The following MICAL2 variants were observed in gnomAD, a reference collection of about 807,000 sequenced individuals.
MICAL2 encodes [F-actin]-monooxygenase MICAL2.
In MICAL2, 77 loss-of-function variants were observed where a neutral mutation model predicts 127.3. The ratio of observed to expected loss-of-function variants is 0.60; its 90% confidence interval spans 0.50 to 0.73. MICAL2 has a LOEUF of 0.73. Ranked by LOEUF, MICAL2 falls within the 30% of genes least tolerant of loss-of-function variation. MICAL2 has a pLI of 0.00. For synonymous variants in MICAL2, 570 were observed against 551.1 expected, an observed-to-expected ratio of 1.03 and a Z score of -0.48; for missense variants, 1,351 against 1,434.4, an observed-to-expected ratio of 0.94 and a Z score of 0.94.
At chr11:12,330,626 G>A (rs149617085) in intron 32 of MICAL2, among the ~76,000 whole-genome samples, 2,366 of 152,184 alleles carry the variant, frequency 0.016, 36 homozygotes, top group Non-Finnish European at 0.025. Context: ...CCTCATTGTC[G>A]TGACAACAAT....
chr11:12,216,912 G>A (rs548783278), intron 8 of MICAL2, among the ~76,000 whole-genome samples: 2 of 152,288 alleles, frequency 1.3e-5, no homozygotes, highest in East Asian at 3.9e-4. Flanking sequence ...TATATATAGA[G>A]CACCTGGCAC....
chr11:12,313,167 CAAA>C (rs61207104), intron 29 of MICAL2, among the ~76,000 whole-genome samples: 1 of 69,284 alleles, frequency 1.4e-5, no homozygotes. Flanking sequence ...GACTACATCT[CAAA>C]AAAAAAAAAA....
chr11:12,350,275 G>T (rs1181346389), intron 33 of MICAL2, among the ~76,000 whole-genome samples: 1 of 152,176 alleles, frequency 6.6e-6, no homozygotes, highest in African/African-American at 2.4e-5. Context: ...GGAAGGCTGT[G>T]TCTGGCCTCT....
At chr11:12,332,626 T>C (rs1345348880) in intron 32 of MICAL2, among the ~76,000 whole-genome samples, 2 of 151,850 alleles carry the variant, frequency 1.3e-5, no homozygotes, top group African/African-American at 4.8e-5. Flanking sequence ...ATCAGCTCGG[T>C]AGCCCAAGTT....
chr11:12,146,629 T>C (rs987496849), intron 2 of MICAL2, among the ~76,000 whole-genome samples: 1 of 152,146 alleles, frequency 6.6e-6, no homozygotes, highest in Non-Finnish European at 1.5e-5. Flanking sequence ...GTAAACTAGT[T>C]CAACCATTGT....
At position 12,162,304 on chromosome 11, in the gene MICAL2, A is replaced by G. The variant is rs1460500124; in HGVS notation, c.149A>G (p.Tyr50Cys). Residue 50 changes from tyrosine (Y) to cysteine (C), a missense_variant, in exon 3 of 28, where the codon TAT becomes TGT. Tyr to Cys is a radical substitution (Grantham distance 194). This residue lies in a region of MICAL2 where 599 missense variants were observed against 714.9 expected (regional missense o/e 0.84). Coordinates refer to ENST00000683283, the MANE Select transcript of MICAL2 (RefSeq NM_001282663.2). ...GACCCTCTGGACCACAGAAACTTTT[A>G]TTCCAAGCTCAAGTCCAAGGTGACC... ...DLDPLDHRNF[Y>C]SKLKSKVTTW... 1 of 1,614,222 alleles carries G rather than the reference A, an allele frequency of 6.2e-7. No homozygotes were observed. The highest frequency in any genetic ancestry group is 8.5e-7 in the Non-Finnish European group (1 of 1,180,032).
chr11:12,178,906 T>C (rs1400847284), intron 3 of MICAL2, among the ~76,000 whole-genome samples: 1 of 152,050 alleles, frequency 6.6e-6, no homozygotes, highest in Non-Finnish European at 1.5e-5. Context: ...CACACCTTCC[T>C]TTGCAGTTCT....
intron 32 of MICAL2, among the ~76,000 whole-genome samples, chr11:12,345,079 T>A (rs1170587014): frequency 2.4e-4 from 35 of 148,124 alleles, no homozygotes; most frequent in Non-Finnish European, 5.9e-5. Flanking sequence ...GCCACTGCAC[T>A]CCAGCCTGGG....
rs1858862561 is a variant in MICAL2 at position 12,189,923 on chromosome 11, C to T, written c.265-14327C>T. Among the ~76,000 whole-genome samples, 5 of 152,214 alleles carry T rather than the reference C, an allele frequency of 3.3e-5. No homozygotes were observed. The South Asian group carries it at 1.0e-3, about 32-fold the overall frequency. On this transcript the variant is annotated intron_variant, in intron 3 of 27. Transcript: ENST00000683283. ...AGAGAAAACATAACATGTTCTTTGG[C>T]AGGTTGTGGGCATCTATCATACAGT...
chr11:12,297,612 ATTT>A (rs1864001596), intron 29 of MICAL2, among the ~76,000 whole-genome samples: 1 of 152,018 alleles, frequency 6.6e-6, no homozygotes, highest in Admixed American at 6.5e-5. Flanking sequence ...TTGTAGAAGA[ATTT>A]TCTCACAGTT....
At chr11:12,185,276 C>T (rs188049213) in intron 3 of MICAL2, among the ~76,000 whole-genome samples, 57 of 151,718 alleles carry the variant, frequency 3.8e-4, no homozygotes, top group African/African-American at 1.2e-3. Flanking sequence ...GTCATGACTG[C>T]ACTCTTCTAG....
chr11:12,119,156 C>T (rs1850296416), intron 1 of MICAL2, among the ~76,000 whole-genome samples: 1 of 152,152 alleles, frequency 6.6e-6, no homozygotes, highest in African/African-American at 2.4e-5. Context: ...CTGGGTTCCC[C>T]CCTCCTCCCC....
chr11:12,245,281 CTCTGTGTG>C (rs571039736), intron 21 of MICAL2, among the ~76,000 whole-genome samples: 25 of 152,372 alleles, frequency 1.6e-4, no homozygotes, highest in African/African-American at 5.8e-4. Flanking sequence ...CCCACCGAGG[CTCTGTGTG>C]TCATGCTGCA....
chr11:12,328,105 G>T (rs1385463625), intron 32 of MICAL2, among the ~76,000 whole-genome samples: 1 of 152,140 alleles, frequency 6.6e-6, no homozygotes, highest in Non-Finnish European at 1.5e-5. Context: ...GCAATAAGTG[G>T]TAACTTTTCC....
At chr11:12,149,844 T>C (rs1039058136) in intron 2 of MICAL2, among the ~76,000 whole-genome samples, 60 of 152,196 alleles carry the variant, frequency 3.9e-4, no homozygotes, top group African/African-American at 1.3e-3. Flanking sequence ...TGGGGAGTCA[T>C]GAGGACACAG....
intron 3 of MICAL2, among the ~76,000 whole-genome samples, chr11:12,169,635 C>T (rs112232381): frequency 1.8e-4 from 28 of 152,302 alleles, no homozygotes; most frequent in South Asian, 1.0e-3. Context: ...CTGCCTGCCT[C>T]GGCCTCCCAA....
At chr11:12,294,821 C>T (rs764964586), downstream of MICAL2, 3 of 1,515,828 alleles carry the variant, frequency 2.0e-6, no homozygotes, top group Non-Finnish European at 8.8e-7. Flanking sequence ...TCCTCCTCCT[C>T]CTCCTCCTCC....
intron 29 of MICAL2, among the ~76,000 whole-genome samples, chr11:12,297,587 G>A (rs571362834): frequency 2.0e-4 from 31 of 152,146 alleles, no homozygotes; most frequent in East Asian, 5.8e-4. Flanking sequence ...TAGTTAGAAA[G>A]AGCTTCTTCC....
intron 30 of MICAL2, among the ~76,000 whole-genome samples, chr11:12,320,533 T>G (rs1864281180): frequency 6.6e-6 from 1 of 151,636 alleles, no homozygotes; most frequent in Non-Finnish European, 1.5e-5. Flanking sequence ...GAGTACTTGG[T>G]GGGGTGGGGG....
Sources: gnomAD v4.1 joint callset for allele counts (sites outside exome capture counted in the v4.1 genomes callset) on GRCh38, gnomAD v4.1.1 for gene constraint, gnomAD v4.1.1 regional missense constraint, MANE v1.5 for transcripts, NCBI Gene and HGNC (gene_info 2026-07-23, HGNC 2026-07-21) for gene names.